The following POLR1H variants were observed in gnomAD, a reference collection of about 807,000 sequenced individuals.
POLR1H encodes the protein RNA polymerase I subunit H.
POLR1H carries 5 observed loss-of-function variants against 15.8 expected under a neutral mutation model. The ratio of observed to expected loss-of-function variants is 0.32; its 90% CI spans 0.17 to 0.67. POLR1H has a LOEUF of 0.67. Ranked by LOEUF, POLR1H falls within the 30% of genes least tolerant of loss-of-function variation. POLR1H has a pLI of 0.74. For synonymous variants in POLR1H, 43 were observed against 58.3 expected (o/e 0.74, Z 1.20); for missense variants, 100 against 163.4 (o/e 0.61, Z 2.11).
rs1473263694 is a variant in POLR1H, at chr6:30,063,268, T to C, written c.356+935T>C. On this transcript the variant is annotated intron_variant, in intron 3 of 3. Coordinates refer to ENST00000332435, the MANE Select transcript of POLR1H (RefSeq NM_170783.4). This position sits in a 1 kb window ranked among gnomAD's most constrained non-coding sequence, Gnocchi z 4.1. ...GAATTAGTTACTAGAAAGAGGTTTCTCTCTTCTGTCCTCCATTTCTCTCAC... is the reference window on the plus strand; with the variant it reads ...GAATTAGTTACTAGAAAGAGGTTTCCCTCTTCTGTCCTCCATTTCTCTCAC... Among the ~76,000 whole-genome samples the C allele has an allele frequency of 2.6e-5, 4 of 152,108 alleles. No individual in the cohort carries two copies. Among genetic ancestry groups the C allele is most frequent in the African/African-American group, 9.7e-5 (4 of 41,442 alleles).
intron 3 of POLR1H, among the ~76,000 whole-genome samples, chr6:30,062,714 CTTTTTTT>C (rs9278555): frequency 4.7e-5 from 2 of 42,378 alleles, no homozygotes; most frequent in African/African-American, 1.0e-4. Flanking sequence ...CCACGCCTGG[CTTTTTTT>C]TTTTTTTTTT....
At position 30,061,422 on chromosome 6, in the gene POLR1H, T is replaced by TA. The variant is rs1765042596; in HGVS notation, c.-102dup. ...GCGTGCGTGGCAGGAGGGTTCGGGT[T>TA]ATATACTCCTAGGTCCTGGGACAGA... On this transcript the variant is annotated 5_prime_UTR_variant, in exon 1 of 4. Transcript: ENST00000332435. The surrounding 1 kb of genome is among the most constrained non-coding windows in gnomAD (Gnocchi z 5.0). The TA allele has an allele frequency of 6.5e-6, 9 of 1,381,356 alleles. No individual in the cohort carries two copies. The highest frequency in any genetic ancestry group is 9.0e-6 in the Non-Finnish European group (9 of 1,004,668). The allele number at this position is 1,381,356 out of a possible 1,614,324, so 85.6% of individuals were successfully genotyped here. A position where few individuals can be genotyped will look rare whatever the true frequency, so the allele number is the denominator to read the frequency against.
At chr6:30,060,532 T>G (rs1764937252), upstream of POLR1H, 1 of 152,204 alleles carries the variant, frequency 6.6e-6, no homozygotes, top group Admixed American at 6.5e-5. Flanking sequence ...AAATCCTACT[T>G]AATGAGCTTT....
chr6:30,061,493 A>ATT lies in POLR1H; in HGVS notation c.-32_-31insTT. On this transcript the variant is annotated 5_prime_UTR_variant, in exon 1 of 4. Coordinates refer to ENST00000332435, the MANE Select transcript of POLR1H (RefSeq NM_170783.4). The surrounding 1 kb of genome is among the most constrained non-coding windows in gnomAD (Gnocchi z 5.0). ...AGGAACTCTTCTCTCTTTTGTTAAT[A>ATT]AACTTCCAACTCCCTCCTCAGACCC... 6.2e-7 allele frequency: 1 copy of ATT among 1,609,862 alleles called. No individual in the cohort carries two copies. The highest frequency in any genetic ancestry group is 8.5e-7 in the Non-Finnish European group (1 of 1,177,736).
upstream of POLR1H, chr6:30,060,716 G>C (rs550728444): frequency 6.6e-6 from 1 of 152,232 alleles, no homozygotes; most frequent in South Asian, 2.1e-4. Flanking sequence ...CTCACCACTT[G>C]CTGTCCCTCA....
At chr6:30,060,315 C>T (rs1764919828), upstream of POLR1H, 1 of 152,208 alleles carries the variant, frequency 6.6e-6, no homozygotes, top group Non-Finnish European at 1.5e-5. Context: ...TAGTAAACAA[C>T]TACAAGCTGC....
intron 3 of POLR1H, among the ~76,000 whole-genome samples, chr6:30,062,714 C>CTTT (rs9278555): frequency 4.5e-4 from 19 of 42,368 alleles, no homozygotes; most frequent in East Asian, 9.5e-4. Context: ...CCACGCCTGG[C>CTTT]TTTTTTTTTT....
At position 30,061,852 on chromosome 6, in the gene POLR1H, G is replaced by A. The variant is rs1765102076; in HGVS notation, c.146-65G>A. On this transcript the variant is annotated intron_variant, in intron 1 of 3. Transcript: ENST00000332435. This position sits in a 1 kb window ranked among gnomAD's most constrained non-coding sequence, Gnocchi z 5.0. The stretch of plus-strand genomic sequence containing the variant: ...TCCTGGCCTAACCAGCCAGGGGAAA[G>A]GGGAGGTTTCCGGTGTCAGCTCTCT... The A allele has an allele frequency of 3.8e-6, 6 of 1,582,758 alleles. No homozygotes were observed. The highest frequency in any genetic ancestry group is 5.2e-6 in the Non-Finnish European group (6 of 1,154,434).
chr6:30,064,292 C>CAA (rs372351529), intron 3 of POLR1H, among the ~76,000 whole-genome samples: 8 of 144,052 alleles, frequency 5.6e-5, no homozygotes, highest in African/African-American at 1.5e-4. Context: ...GTCATTTTAC[C>CAA]AAAAAAAAAA....
rs1290433017 is a variant in POLR1H, at chr6:30,063,283, A to G, written c.356+950A>G. On this transcript the variant is annotated intron_variant, in intron 3 of 3. Transcript: ENST00000332435. This position sits in a 1 kb window ranked among gnomAD's most constrained non-coding sequence, Gnocchi z 4.1. ...AAGAGGTTTCTCTCTTCTGTCCTCC[A>G]TTTCTCTCACCTTCTTTTCATATTT... is the stretch of plus-strand genomic sequence containing the variant. Among the ~76,000 whole-genome samples the G allele has an allele frequency of 1.3e-5, 2 of 151,244 alleles. No homozygotes were observed. Among genetic ancestry groups the G allele is most frequent in the Non-Finnish European group, 3.0e-5 (2 of 67,782 alleles).
Position 30,061,743 on chromosome 6 carries a change from G to A in POLR1H, c.145+74G>A. 6.3e-6 allele frequency: 10 copies of A among 1,599,340 alleles called. No individual in the cohort carries two copies. The highest frequency in any genetic ancestry group is 8.5e-6 in the Non-Finnish European group (10 of 1,170,396). On this transcript the variant is annotated intron_variant, in intron 1 of 3. Coordinates refer to ENST00000332435, the MANE Select transcript of POLR1H (RefSeq NM_170783.4). This position sits in a 1 kb window ranked among gnomAD's most constrained non-coding sequence, Gnocchi z 5.0. ...GCTTGGGGAACTCAAGATCGGTTGG[G>A]TTGAGGAGGGGATCCTAGAGCAGGA...
chr6:30,062,902 A>G (rs1206504035), intron 3 of POLR1H, among the ~76,000 whole-genome samples: 12 of 121,250 alleles, frequency 9.9e-5, no homozygotes, highest in Non-Finnish European at 2.1e-4. Context: ...GGAAATGAAG[A>G]AAAAAAAAAC....
At position 30,063,795 on chromosome 6, in the gene POLR1H, T is replaced by A. The variant is rs1337585502; in HGVS notation, c.357-878T>A. Among the ~76,000 whole-genome samples, 1 of 152,202 alleles carries A rather than the reference T, an allele frequency of 6.6e-6. No individual in the cohort carries two copies. The highest frequency in any genetic ancestry group is 6.5e-5 in the Admixed American group (1 of 15,284). On this transcript the variant is annotated intron_variant, in intron 3 of 3. Transcript: ENST00000332435. The surrounding 1 kb of genome is among the most constrained non-coding windows in gnomAD (Gnocchi z 4.1). Reference sequence around the variant, plus strand: ...AAGCACTATCAAGCTGGAATTACTTTAAATAAATTCTTGGCTTCATGTTTT... The same window carrying A: ...AAGCACTATCAAGCTGGAATTACTTAAAATAAATTCTTGGCTTCATGTTTT...
Position 30,064,769 on chromosome 6 carries a change from T to A in POLR1H, c.*72T>A. 1 of 1,366,100 alleles carries A rather than the reference T, an allele frequency of 7.3e-7. No individual in the cohort carries two copies. The highest frequency in any genetic ancestry group is 1.0e-6 in the Non-Finnish European group (1 of 974,110). The allele number at this position is 1,366,100 out of a possible 1,614,324, so 84.6% of individuals were successfully genotyped here. On this transcript the variant is annotated 3_prime_UTR_variant, in exon 4 of 4. Transcript: ENST00000332435. ...GAAGGATACTGGGTTTTTAGATGCC[T>A]TGTCCATCCTGTCTGGTTGCAATGT...
In POLR1H at chr6:30,062,714, C is replaced by CCTTTTTTTTTTT. The variant is rs749507630; in HGVS notation, c.356+381_356+382insCTTTTTTTTTTT. 2.6e-3 allele frequency among the ~76,000 whole-genome samples: 111 copies of CCTTTTTTTTTTT among 42,394 alleles called. 10 individuals are homozygous for CCTTTTTTTTTTT. The highest frequency in any genetic ancestry group is 0.018 in the East Asian group (19 of 1,052). The allele number at this position is 42,394 out of a possible 152,430, so 27.8% of individuals were successfully genotyped here. ...CACAGACACATGCCACCACGCCTGG[C>CCTTTTTTTTTTT]TTTTTTTTTTTTTTTTTTTTTTTTT... On this transcript the variant is annotated intron_variant, in intron 3 of 3. Coordinates refer to ENST00000332435, the MANE Select transcript of POLR1H (RefSeq NM_170783.4).
rs1765030400 is a variant in POLR1H, at chr6:30,061,320, A to G, written c.-205A>G. ...TAACTCCTCTCACCGGCCCCTGGAAAGGGTTCCAAGTCCTTTAGTACCCGA... is the reference window on the plus strand; with the variant it reads ...TAACTCCTCTCACCGGCCCCTGGAAGGGGTTCCAAGTCCTTTAGTACCCGA... On this transcript the variant is annotated 5_prime_UTR_variant, in exon 1 of 4. Coordinates refer to ENST00000332435, the MANE Select transcript of POLR1H (RefSeq NM_170783.4). The surrounding 1 kb of genome is among the most constrained non-coding windows in gnomAD (Gnocchi z 5.0). 1 of 518,674 alleles carries G rather than the reference A, an allele frequency of 1.9e-6. No homozygotes were observed. Among genetic ancestry groups the G allele is most frequent in the Admixed American group, 3.5e-5 (1 of 28,252 alleles). 32.1% of individuals were successfully genotyped at this position (518,674 alleles called of 1,614,324 possible).
At chr6:30,062,042 G>A in intron 2 of POLR1H, 25 bp downstream of exon 2, 1 of 1,601,382 alleles carries the variant, frequency 6.2e-7, no homozygotes, top group South Asian at 1.1e-5. Context: ...TCAAGAACTG[G>A]CTCCATAAGG....
At chr6:30,062,080 T>G in intron 2 of POLR1H, 63 bp downstream of exon 2, 5 of 1,527,394 alleles carry the variant, frequency 3.3e-6, no homozygotes, top group Non-Finnish European at 4.5e-6. Context: ...GAGGAGTGAT[T>G]GCAAAGCTCT....
rs1292057699 is a variant in POLR1H at position 30,063,262 on chromosome 6, G to A, written c.356+929G>A. 6.6e-6 allele frequency among the ~76,000 whole-genome samples: 1 copy of A among 151,818 alleles called. No homozygotes were observed. Among genetic ancestry groups the A allele is most frequent in the Admixed American group, 6.6e-5 (1 of 15,260 alleles). ...GACCTCGAATTAGTTACTAGAAAGA[G>A]GTTTCTCTCTTCTGTCCTCCATTTC... On this transcript the variant is annotated intron_variant, in intron 3 of 3. Coordinates refer to ENST00000332435, the MANE Select transcript of POLR1H (RefSeq NM_170783.4). This position sits in a 1 kb window ranked among gnomAD's most constrained non-coding sequence, Gnocchi z 4.1.
Sources: gnomAD v4.1 joint callset for allele counts (sites outside exome capture counted in the v4.1 genomes callset) on GRCh38, gnomAD v4.1.1 for gene constraint, Gnocchi (gnomAD v3.1) non-coding constraint, MANE v1.5 for transcripts, NCBI Gene and HGNC (gene_info 2026-07-23, HGNC 2026-07-21) for gene names.